Variants in MYO10 observed in about 807,000 individuals in gnomAD.
The protein encoded by MYO10 is myosin X, also known as unconventional myosin-X.
A neutral mutation model predicts 257.3 loss-of-function variants in MYO10; 133 were observed. The ratio of observed to expected loss-of-function variants is 0.52; its 90% CI spans 0.45 to 0.60. MYO10 has a LOEUF of 0.60. MYO10 is among the 20% of genes least tolerant of loss of function. The pLI is 0.00. For missense variants in MYO10, 2,399 were observed against 2,635.7 expected, an observed-to-expected ratio of 0.91 and a Z score of 1.97; for synonymous variants, 1,104 against 1,028.6, an observed-to-expected ratio of 1.07 and a Z score of -1.40.
At chr5:16,824,591 G>A (rs562371252) in intron 2 of MYO10, among the ~76,000 whole-genome samples, 15 of 152,086 alleles carry the variant, frequency 9.9e-5, no homozygotes, top group East Asian at 1.9e-4. Flanking sequence ...TCTTTCAGCC[G>A]GGCGCGGTGG....
At chr5:16,933,141 A>C (rs1746336956) in intron 1 of MYO10, among the ~76,000 whole-genome samples, 1 of 152,228 alleles carries the variant, frequency 6.6e-6, no homozygotes, top group African/African-American at 2.4e-5. Flanking sequence ...CAACTGCTTC[A>C]CAGGTCTAGC....
chr5:16,773,707 T>C (rs903679829), intron 9 of MYO10, among the ~76,000 whole-genome samples: 1 of 150,014 alleles, frequency 6.7e-6, no homozygotes, highest in Admixed American at 6.7e-5. Context: ...AATTTCTAAC[T>C]GCCAAATAAA....
At chr5:16,791,304 T>G (rs1300747086) in intron 4 of MYO10, among the ~76,000 whole-genome samples, 1 of 152,164 alleles carries the variant, frequency 6.6e-6, no homozygotes, top group African/African-American at 2.4e-5. Flanking sequence ...TTTCTCTTAA[T>G]TCCCACAGCT....
intron 1 of MYO10, chr5:16,915,944 G>A (rs1047824879): frequency 3.1e-4 from 133 of 427,320 alleles, no homozygotes; most frequent in Non-Finnish European, 4.8e-4. Context: ...GCGACAGAGC[G>A]AGACTCTACG....
At chr5:16,788,981 G>A (rs1280381372) in intron 4 of MYO10, among the ~76,000 whole-genome samples, 1 of 152,168 alleles carries the variant, frequency 6.6e-6, no homozygotes, top group Non-Finnish European at 1.5e-5. Context: ...GGTGAGCAGA[G>A]AGGAGGGATC....
chr5:16,869,683 G>A (rs1208873158), intron 2 of MYO10, among the ~76,000 whole-genome samples: 2 of 151,376 alleles, frequency 1.3e-5, no homozygotes, highest in East Asian at 2.0e-4. Context: ...TAGCCAACAT[G>A]GCAAAAGCGC....
intron 19 of MYO10, among the ~76,000 whole-genome samples, chr5:16,748,488 G>GCGCCCCCC (rs1401191628): frequency 6.7e-6 from 1 of 149,832 alleles, no homozygotes; most frequent in Non-Finnish European, 1.5e-5. Context: ...CAAGTGATCC[G>GCGCCCCCC]CGCCCCCCCG....
intron 1 of MYO10, among the ~76,000 whole-genome samples, chr5:16,920,471 T>C (rs1045139396): frequency 3.3e-5 from 5 of 151,804 alleles, no homozygotes; most frequent in South Asian, 2.1e-4. Flanking sequence ...AACAAAACTA[T>C]AGAGAAGGAG....
intron 3 of MYO10, among the ~76,000 whole-genome samples, chr5:16,808,070 C>G (rs527463529): frequency 3.9e-5 from 6 of 152,304 alleles, no homozygotes; most frequent in Non-Finnish European, 8.8e-5. Flanking sequence ...ATTTCACCAC[C>G]AATCCACCAA....
At chr5:16,777,838 A>ATTTT (rs1553995171) in intron 9 of MYO10, among the ~76,000 whole-genome samples, 6 of 94,942 alleles carry the variant, frequency 6.3e-5, no homozygotes, top group Admixed American at 2.0e-4. Flanking sequence ...ATTGCATCTA[A>ATTTT]CTTTTTTTTT....
chr5:16,890,950 T>C (rs1422285336), intron 1 of MYO10, among the ~76,000 whole-genome samples: 2 of 151,824 alleles, frequency 1.3e-5, no homozygotes, highest in African/African-American at 4.9e-5. Flanking sequence ...GGACCACATG[T>C]TGTATGACTC....
At chr5:16,700,898 G>T in intron 25 of MYO10, 65 bp downstream of exon 25, 1 of 1,449,852 alleles carries the variant, frequency 6.9e-7, no homozygotes, top group South Asian at 1.4e-5. Context: ...TTCAACTTGA[G>T]GATGCAACAG....
At chr5:16,706,510 C>T (rs1256868746) in intron 21 of MYO10, among the ~76,000 whole-genome samples, 1 of 152,096 alleles carries the variant, frequency 6.6e-6, no homozygotes, top group East Asian at 1.9e-4. Context: ...ATATCTTACT[C>T]TAATGCTTTT....
intron 1 of MYO10, among the ~76,000 whole-genome samples, chr5:16,909,280 G>A (rs183499832): frequency 1.5e-3 from 225 of 152,216 alleles, no homozygotes; most frequent in African/African-American, 5.2e-3. Context: ...AGGCCGAGGT[G>A]GGCGGATCAC....
rs758098957 is a variant in MYO10, at chr5:16,681,422, T to C, written c.4271A>G (p.Asn1424Ser). ...TGAACTCTTGTAGTAATCCAGGGAA[T>C]TGTGGGTGAGTACAAACCACCGTTT... ...LKKRWFVLTH[N>S]SLDYYKSSEK... The change falls in exon 32 of 41, where the codon AAT (asparagine) becomes AGT (serine). Residue 1424 changes from asparagine to serine, a missense_variant. Physicochemically the swap from Asn to Ser is conservative, Grantham distance 46 (BLOSUM62 1). Around this residue, in one of 3 missense-constraint regions of MYO10, gnomAD observed 1,820 missense variants for 1,939.4 expected, o/e 0.94. Coordinates refer to ENST00000513610, the MANE Select transcript of MYO10 (RefSeq NM_012334.3). The C allele has an allele frequency of 1.2e-6, 2 of 1,613,958 alleles. No individual in the cohort carries two copies. Among genetic ancestry groups the C allele is most frequent in the African/African-American group, 2.7e-5 (2 of 75,032 alleles).
At chr5:16,928,975 C>T (rs1320537532) in intron 1 of MYO10, among the ~76,000 whole-genome samples, 1 of 148,888 alleles carries the variant, frequency 6.7e-6, no homozygotes, top group African/African-American at 2.5e-5. Flanking sequence ...TTTTTTGAGA[C>T]GGAGTCTTGC....
intron 1 of MYO10, among the ~76,000 whole-genome samples, chr5:16,928,576 C>T (rs1746202751): frequency 1.3e-5 from 2 of 151,950 alleles, no homozygotes; most frequent in Non-Finnish European, 1.5e-5. Flanking sequence ...CCGGGCATGA[C>T]GGCTCACACC....
chr5:16,746,505 T>A (rs1480722374), intron 19 of MYO10, among the ~76,000 whole-genome samples: 2 of 152,224 alleles, frequency 1.3e-5, no homozygotes, highest in African/African-American at 4.8e-5. Flanking sequence ...AGTGCCTGGA[T>A]GTGAGTGAAT....
intron 9 of MYO10, 102 bp from the exon 10 acceptor site, chr5:16,769,305 G>C (rs1740976370): frequency 7.8e-7 from 1 of 1,274,644 alleles, no homozygotes; most frequent in East Asian, 2.9e-5. Context: ...TATTGAAAAG[G>C]CAAAGAAACA....
Sources: allele counts gnomAD v4.1 joint callset (sites outside exome capture counted in the v4.1 genomes callset), GRCh38; gene constraint gnomAD v4.1.1; regional missense constraint gnomAD v4.1.1; transcripts MANE v1.5; gene names NCBI Gene and HGNC (gene_info 2026-07-23, HGNC 2026-07-21).